Variants in UCHL3 observed in about 807,000 individuals in gnomAD.
UCHL3 encodes ubiquitin carboxyl-terminal hydrolase isozyme L3.
A neutral mutation model predicts 35.8 loss-of-function variants in UCHL3; 22 were observed. That is an observed-to-expected ratio of 0.61 (90% confidence interval 0.44 to 0.88). The LOEUF (loss-of-function observed/expected upper bound fraction) is 0.88. Ranked by LOEUF, UCHL3 falls within the 40% of genes least tolerant of loss-of-function variation. The pLI is 0.00. For missense variants in UCHL3, 229 were observed against 276.9 expected, an observed-to-expected ratio of 0.83 and a Z score of 1.23; for synonymous variants, 90 against 92.8, an observed-to-expected ratio of 0.97 and a Z score of 0.17.
In UCHL3 at chr13:75,592,435, T is replaced by TGTATATATACATATATAC. The variant is rs2032513551; in HGVS notation, c.475-2480_475-2479insGTATATATACATATATAC. Among the ~76,000 whole-genome samples, 3 of 98,760 alleles carry TGTATATATACATATATAC rather than the reference T, an allele frequency of 3.0e-5. 1 individual carries two copies. The highest frequency in any genetic ancestry group is 2.7e-4 in the East Asian group (1 of 3,712). 64.8% of individuals were successfully genotyped at this position (98,760 alleles called of 152,430 possible). A position where few individuals can be genotyped will look rare whatever the true frequency, so the allele number is the denominator to read the frequency against. On this transcript the variant is annotated intron_variant, in intron 6 of 8. Coordinates refer to ENST00000377595, the MANE Select transcript of UCHL3 (RefSeq NM_006002.5). ...TCCTTCATATATATATATATATATA[T>TGTATATATACATATATAC]ATATATATATATATATATATATATA...
intron 7 of UCHL3, among the ~76,000 whole-genome samples, chr13:75,595,597 C>CAACAAAAAA (rs2032624202): frequency 2.2e-5 from 1 of 45,658 alleles, no homozygotes; most frequent in South Asian, 7.8e-4. Context: ...TACTCCATCT[C>CAACAAAAAA]AAAAAAAAAA....
At chr13:75,574,348 T>G (rs77945818) in intron 6 of UCHL3, among the ~76,000 whole-genome samples, 3,936 of 152,268 alleles carry the variant, frequency 0.026, 62 homozygotes, top group African/African-American at 0.03. Flanking sequence ...ATAATAAGTT[T>G]TTTCTTCCTT....
intron 3 of UCHL3, among the ~76,000 whole-genome samples, chr13:75,566,147 C>T (rs1050356806): frequency 2.6e-5 from 4 of 152,166 alleles, no homozygotes; most frequent in Non-Finnish European, 5.9e-5. Flanking sequence ...AAGATAACCT[C>T]TATTAAGTTT....
intron 6 of UCHL3, among the ~76,000 whole-genome samples, chr13:75,579,861 G>T (rs1233830381): frequency 6.6e-6 from 1 of 152,088 alleles, no homozygotes; most frequent in African/African-American, 2.4e-5. Flanking sequence ...TAATAAAGGA[G>T]AACTTTATTT....
intron 6 of UCHL3, among the ~76,000 whole-genome samples, chr13:75,575,323 G>A (rs1006520229): frequency 5.9e-5 from 9 of 152,166 alleles, no homozygotes; most frequent in African/African-American, 2.2e-4. Flanking sequence ...AACTTACACT[G>A]AAAGGTATTG....
intron 6 of UCHL3, chr13:75,590,070 C>T: frequency 7.7e-7 from 1 of 1,304,482 alleles, no homozygotes; most frequent in Non-Finnish European, 1.0e-6. Context: ...CAGTCCATCT[C>T]TCCGTCTTCG....
chr13:75,569,574 T>G (rs1412966044), intron 6 of UCHL3, 67 bp downstream of exon 6: 2 of 1,416,820 alleles, frequency 1.4e-6, no homozygotes, highest in Admixed American at 4.0e-5. Context: ...TGCTGTAAAT[T>G]TAACCATAGT....
intron 6 of UCHL3, among the ~76,000 whole-genome samples, chr13:75,575,055 C>T (rs751905614): frequency 2.1e-4 from 32 of 152,186 alleles, no homozygotes; most frequent in Non-Finnish European, 3.8e-4. Context: ...TCATCACTGG[C>T]ATCACTGGTA....
chr13:75,605,680 G>C, intron 8 of UCHL3, 49 bp from the exon 9 acceptor site: 1 of 1,553,418 alleles, frequency 6.4e-7, no homozygotes, highest in Middle Eastern at 1.8e-4. Context: ...TCATTTGTAA[G>C]TAAAACACTT....
chr13:75,586,741 T>C lies in UCHL3; in HGVS notation c.475-8174T>C, dbSNP rs950059148. On this transcript the variant is annotated intron_variant, in intron 6 of 8. Coordinates refer to ENST00000377595, the MANE Select transcript of UCHL3 (RefSeq NM_006002.5). ...AAAAATATCTGGAAAATCCCCCAAA[T>C]ATTTAGATATTCAATAGTACACTTC... Among the ~76,000 whole-genome samples the C allele has an allele frequency of 2.6e-5, 4 of 151,934 alleles. No individual in the cohort carries two copies. The East Asian group carries it at 7.7e-4, about 29-fold the overall frequency.
intron 5 of UCHL3, among the ~76,000 whole-genome samples, chr13:75,568,263 A>G (rs1299606864): frequency 6.6e-6 from 1 of 152,146 alleles, no homozygotes; most frequent in Non-Finnish European, 1.5e-5. Flanking sequence ...TTTGGTTAGA[A>G]CAATGCCTTA....
rs139606180 is a variant in UCHL3, at chr13:75,579,106, C to T, written c.474+9599C>T. 2.8e-3 allele frequency among the ~76,000 whole-genome samples: 426 copies of T among 152,192 alleles called. 1 individual carries two copies. Among genetic ancestry groups the T allele is most frequent in the Non-Finnish European group, 4.2e-3 (283 of 67,944 alleles). On this transcript the variant is annotated intron_variant, in intron 6 of 8. Transcript: ENST00000377595. The stretch of plus-strand genomic sequence containing the variant: ...ATTCCAATAAGCCAAAAATGATTTA[C>T]GCACAAATTGAGGTGCTCACATATT...
chr13:75,582,987 T>A (rs1395401688), intron 6 of UCHL3, among the ~76,000 whole-genome samples: 1 of 152,210 alleles, frequency 6.6e-6, no homozygotes, highest in Non-Finnish European at 1.5e-5. Context: ...CTGTTATGTC[T>A]ATATTATGCA....
intron 2 of UCHL3, 128 bp downstream of exon 2, chr13:75,550,115 C>A (rs1024786383): frequency 2.8e-6 from 4 of 1,435,480 alleles, no homozygotes; most frequent in Non-Finnish European, 3.9e-6. Context: ...CCCTCTTGTT[C>A]GGCTTTACGC....
At chr13:75,571,028 A>T (rs1382957406) in intron 6 of UCHL3, among the ~76,000 whole-genome samples, 2 of 152,194 alleles carry the variant, frequency 1.3e-5, no homozygotes, top group African/African-American at 2.4e-5. Context: ...AAAAGTTTTT[A>T]ACACCAGATT....
chr13:75,592,425 T>TATATGTATATACGTATATAC (rs1172818362), intron 6 of UCHL3, among the ~76,000 whole-genome samples: 1 of 63,452 alleles, frequency 1.6e-5, no homozygotes, highest in Non-Finnish European at 3.3e-5. Context: ...CATATATATA[T>TATATGTATATACGTATATAC]ATATATATAT....
In UCHL3 at chr13:75,594,950, T is replaced by C. The variant is rs1490124184; in HGVS notation, c.510T>C (p.Phe170=). 1.2e-6 allele frequency: 2 copies of C among 1,609,046 alleles called. No individual in the cohort carries two copies. The highest frequency in any genetic ancestry group is 1.7e-6 in the Non-Finnish European group (2 of 1,178,808). ...PSIDEKVDLH[F]IALVHVDGHL... ...TAGATGAGAAAGTAGATCTTCATTT[T>C]ATTGCATTAGTTCATGTAGATGGGC... Residue 170 remains phenylalanine, a synonymous_variant, in exon 7 of 9, where the codon TTT becomes TTC. Coordinates refer to ENST00000377595, the MANE Select transcript of UCHL3 (RefSeq NM_006002.5).
At chr13:75,592,428 A>ACG (rs1555276715) in intron 6 of UCHL3, among the ~76,000 whole-genome samples, 9 of 72,716 alleles carry the variant, frequency 1.2e-4, no homozygotes, top group African/African-American at 3.3e-4. Flanking sequence ...ATATATATAT[A>ACG]TATATATATA....
intron 6 of UCHL3, among the ~76,000 whole-genome samples, chr13:75,572,525 G>A (rs570025823): frequency 6.6e-6 from 1 of 152,178 alleles, no homozygotes; most frequent in East Asian, 1.9e-4. Flanking sequence ...CCTTTCTGTG[G>A]CTCTTAGGCC....
Sources: allele counts gnomAD v4.1 joint callset (sites outside exome capture counted in the v4.1 genomes callset), GRCh38; gene constraint gnomAD v4.1.1; transcripts MANE v1.5; gene names NCBI Gene and HGNC (gene_info 2026-07-23, HGNC 2026-07-21).